STYXL1: variants seen among roughly 807,000 people sequenced by gnomAD.
The protein encoded by STYXL1 is serine/threonine/tyrosine interacting like 1.
STYXL1 carries 32 observed loss-of-function variants against 36.4 expected under a neutral mutation model. That is an observed-to-expected ratio of 0.88 (90% CI 0.66 to 1.18). The LOEUF is 1.18. Ranked by LOEUF, STYXL1 falls within the 50% of genes most tolerant of loss-of-function variation. The probability of loss-of-function intolerance (pLI) is 0.00; values close to 1 mark genes in which losing one functional copy is unlikely to be tolerated. For missense variants in STYXL1, 354 were observed against 394.1 expected (o/e 0.90, Z 0.86); for synonymous variants, 133 against 144.1 (o/e 0.92, Z 0.55).
chr7:76,019,116 G>A (rs1554575072), intron 4 of STYXL1, among the ~76,000 whole-genome samples: 1 of 152,112 alleles, frequency 6.6e-6, no homozygotes, highest in African/African-American at 2.4e-5. Flanking sequence ...ATGTAAATTA[G>A]ATATATGTGA....
At chr7:76,009,511 A>G (rs1792283335) in intron 5 of STYXL1, among the ~76,000 whole-genome samples, 1 of 152,070 alleles carries the variant, frequency 6.6e-6, no homozygotes, top group Non-Finnish European at 1.5e-5. Flanking sequence ...CCCGGGTTCA[A>G]TTGATTTTCC....
intron 4 of STYXL1, among the ~76,000 whole-genome samples, chr7:76,019,357 T>C (rs1437988564): frequency 1.3e-5 from 2 of 151,550 alleles, no homozygotes; most frequent in African/African-American, 4.9e-5. Flanking sequence ...AATACAGTGG[T>C]ACAGTCATAG....
intron 4 of STYXL1, among the ~76,000 whole-genome samples, chr7:76,015,776 T>G (rs1278909332): frequency 6.6e-6 from 1 of 152,130 alleles, no homozygotes; most frequent in Non-Finnish European, 1.5e-5. Flanking sequence ...CCAAAGGAGA[T>G]TAACATTTGA....
Position 76,026,192 on chromosome 7 carries a change from C to CAAAAAAAA in STYXL1, c.165+2442_165+2449dup. On this transcript the variant is annotated intron_variant, in intron 3 of 8. Coordinates refer to ENST00000359697, the MANE Select transcript of STYXL1 (RefSeq NM_001317785.2). ...GGAGGACAGAGCAAGACTCTGTCTC[C>CAAAAAAAA]AAAAAAAAAAAAAAAAAAAAAAAAA... Among the ~76,000 whole-genome samples the CAAAAAAAA allele has an allele frequency of 1.9e-3, 36 of 18,624 alleles. 13 individuals carry two copies. Among genetic ancestry groups the CAAAAAAAA allele is most frequent in the Non-Finnish European group, 2.8e-3 (32 of 11,488 alleles). 12.2% of individuals were successfully genotyped at this position (18,624 alleles called of 152,430 possible).
intron 4 of STYXL1, 29 bp from the exon 5 acceptor site, chr7:76,013,916 T>C (rs375103901): frequency 5.2e-5 from 83 of 1,588,264 alleles, no homozygotes; most frequent in Non-Finnish European, 6.7e-5. Context: ...GACATGAATG[T>C]CTCCTGTGTA....
At chr7:76,011,904 T>A (rs544956974) in intron 5 of STYXL1, among the ~76,000 whole-genome samples, 4 of 152,354 alleles carry the variant, frequency 2.6e-5, no homozygotes, top group Admixed American at 2.6e-4. Context: ...CAGCAGAAAC[T>A]GGAATCTCAA....
intron 3 of STYXL1, 28 bp downstream of exon 3, chr7:76,028,614 G>C: frequency 1.2e-6 from 2 of 1,610,930 alleles, no homozygotes; most frequent in Non-Finnish European, 8.5e-7. Context: ...TAGCCAGCCT[G>C]CCCCAGATCC....
At position 76,006,809 on chromosome 7, in the gene STYXL1, A is replaced by C. The variant is rs578091654; in HGVS notation, c.454-1405T>G. Reference sequence around the variant, plus strand: ...AAAACAACAACAACAACAACAAAAAACTTTCGTTTATTTGAAACACAGACA... The same window carrying C: ...AAAACAACAACAACAACAACAAAAACCTTTCGTTTATTTGAAACACAGACA... On this transcript the variant is annotated intron_variant, in intron 5 of 8. Transcript: ENST00000359697. Among the ~76,000 whole-genome samples the C allele has an allele frequency of 2.0e-4, 31 of 151,896 alleles. No homozygotes were observed. The South Asian group carries it at 6.2e-3, about 31-fold the overall frequency.
intron 1 of STYXL1, among the ~76,000 whole-genome samples, chr7:76,046,346 G>GCA (rs1563535600): frequency 3.8e-5 from 2 of 52,486 alleles, no homozygotes; most frequent in Non-Finnish European, 7.9e-5. Flanking sequence ...GTGTGCGCGC[G>GCA]CGCGCGCGCG....
chr7:76,032,399 GAAA>G (rs34141153), intron 1 of STYXL1, among the ~76,000 whole-genome samples: 2 of 132,384 alleles, frequency 1.5e-5, no homozygotes, highest in African/African-American at 5.7e-5. Context: ...ACCCTGTCTT[GAAA>G]AAAAAAAAAA....
chr7:76,040,414 C>G (rs1210744686), intron 1 of STYXL1, among the ~76,000 whole-genome samples: 2 of 152,226 alleles, frequency 1.3e-5, no homozygotes, highest in Non-Finnish European at 2.9e-5. Context: ...CAGCGACTCT[C>G]AGCTCTTGGA....
chr7:76,014,480 T>C (rs1019086996), intron 4 of STYXL1, among the ~76,000 whole-genome samples: 3 of 151,724 alleles, frequency 2.0e-5, no homozygotes, highest in Admixed American at 1.3e-4. Flanking sequence ...GCCTCCCGAG[T>C]AGCTGGGACT....
intron 6 of STYXL1, among the ~76,000 whole-genome samples, chr7:76,004,294 A>T (rs1328890256): frequency 6.6e-6 from 1 of 152,080 alleles, no homozygotes; most frequent in African/African-American, 2.4e-5. Context: ...GGGTTTCACC[A>T]TTTTGGCCAG....
intron 7 of STYXL1, among the ~76,000 whole-genome samples, chr7:76,003,077 ACT>A (rs1791195136): frequency 6.6e-6 from 1 of 151,816 alleles, no homozygotes; most frequent in Non-Finnish European, 1.5e-5. Flanking sequence ...TACAGATCTT[ACT>A]CTCCTCTGGC....
At chr7:76,015,356 T>C (rs1370813725) in intron 4 of STYXL1, among the ~76,000 whole-genome samples, 1 of 152,162 alleles carries the variant, frequency 6.6e-6, no homozygotes, top group Non-Finnish European at 1.5e-5. Context: ...TATCACCATA[T>C]ACAAAAATCA....
intron 6 of STYXL1, 116 bp downstream of exon 6, chr7:76,005,143 T>C: frequency 3.3e-6 from 2 of 609,462 alleles, no homozygotes; most frequent in Non-Finnish European, 4.3e-6. Flanking sequence ...ATTGTGCACA[T>C]GTACCCTAAA....
intron 2 of STYXL1, 70 bp downstream of exon 2, chr7:76,030,348 TTTG>T (rs1177348898): frequency 1.3e-5 from 13 of 1,005,238 alleles, no homozygotes; most frequent in East Asian, 3.2e-5. Flanking sequence ...CCGCCAAAAG[TTTG>T]TTAACTCATC....
At chr7:76,046,817 A>C (rs1300192875) in intron 1 of STYXL1, among the ~76,000 whole-genome samples, 1 of 150,086 alleles carries the variant, frequency 6.7e-6, no homozygotes, top group African/African-American at 2.5e-5. Flanking sequence ...CGCTGGGCTA[A>C]TTTTTGTATT....
chr7:76,046,479 T>C (rs1450882566), intron 1 of STYXL1, among the ~76,000 whole-genome samples: 1 of 151,930 alleles, frequency 6.6e-6, no homozygotes, highest in Non-Finnish European at 1.5e-5. Flanking sequence ...CCTGAGTAGC[T>C]GGGACTACAG....
Sources: gnomAD v4.1 joint callset for allele counts (sites outside exome capture counted in the v4.1 genomes callset) on GRCh38, gnomAD v4.1.1 for gene constraint, MANE v1.5 for transcripts, NCBI Gene and HGNC (gene_info 2026-07-23, HGNC 2026-07-21) for gene names.